DRP2: variants seen among roughly 807,000 people sequenced by gnomAD.
DRP2 encodes the protein dystrophin-related protein 2.
Under a neutral mutation model 78.2 loss-of-function variants are expected in DRP2, and 29 were observed. That is an observed-to-expected ratio of 0.37 (90% CI 0.28 to 0.51). DRP2 has a LOEUF of 0.51. Ranked by LOEUF, DRP2 falls within the 20% of genes least tolerant of loss-of-function variation. The pLI is 0.94. For missense variants in DRP2, 686 were observed against 770.6 expected (o/e 0.89, Z 1.30); for synonymous variants, 290 against 281.9 (o/e 1.03, Z -0.29).
At chrX:101,241,585 T>C (rs1035204101) in intron 6 of DRP2, 83 bp from the exon 7 acceptor site, 34 of 1,094,105 alleles carry the variant, frequency 3.1e-5, no homozygotes, top group Non-Finnish European at 4.2e-5. Flanking sequence ...TACACACACA[T>C]TTTATAAAGG....
In DRP2 at chrX:101,263,802, G is replaced by T. The variant is rs1057008700; in HGVS notation, c.*3181G>T. ...AGGACACAGAAATGAGAAACCCTGA[G>T]GCCAGGAAGAGGCCAATCCTAGGAG... On this transcript the variant is annotated 3_prime_UTR_variant, in exon 24 of 24. Coordinates refer to ENST00000395209, the MANE Select transcript of DRP2 (RefSeq NM_001939.3). 2 of 111,899 alleles carry T rather than the reference G, an allele frequency of 1.8e-5. No homozygotes were observed. The highest frequency in any genetic ancestry group is 6.5e-5 in the African/African-American group (2 of 30,788). The allele number at this position is 111,899 out of a possible 1,213,427, so 9.2% of individuals were successfully genotyped here. A position where few individuals can be genotyped will look rare whatever the true frequency, so the allele number is the denominator to read the frequency against.
intron 17 of DRP2, 99 bp downstream of exon 17, chrX:101,252,815 C>T (rs1478277321): frequency 1.5e-5 from 9 of 618,407 alleles, no homozygotes; most frequent in East Asian, 7.4e-5. Context: ...TCTGCTCTCC[C>T]GTGGGGAGCA....
chrX:101,259,083 A>T (rs1328169986), intron 22 of DRP2, among the ~76,000 whole-genome samples: 1 of 111,519 alleles, frequency 9.0e-6, no homozygotes, highest in Non-Finnish European at 1.9e-5. Context: ...GGCTCTGCCA[A>T]TTGACTGTGG....
chrX:101,260,160 G>A lies in DRP2; in HGVS notation c.2740G>A (p.Glu914Lys), dbSNP rs767235632. Residue 914 changes from glutamate (E) to lysine (K), a missense_variant, in exon 23 of 24, where the codon GAG (glutamate) becomes AAG (lysine). Around this residue, in one of 2 missense-constraint regions of DRP2, gnomAD observed 423 missense variants for 531.5 expected, o/e 0.80. Transcript: ENST00000395209. ...REKGQTTPDT[E>K]AADDVGSKSQ... ...GAAGGGACAGACTACTCCAGATACC[G>A]AGGCTGCAGGTGAGTTCCCCTGGCC... 39 of 1,209,356 alleles carry A rather than the reference G, an allele frequency of 3.2e-5. No homozygotes were observed. Among genetic ancestry groups the A allele is most frequent in the Non-Finnish European group, 4.1e-5 (37 of 894,990 alleles).
At chrX:101,251,978 T>C (rs1923159400) in intron 16 of DRP2, among the ~76,000 whole-genome samples, 1 of 111,999 alleles carries the variant, frequency 8.9e-6, no homozygotes, top group Admixed American at 9.5e-5. Context: ...GATGAGCAAA[T>C]GAGGCACACA....
chrX:101,259,755 C>T (rs1026460594), intron 22 of DRP2, among the ~76,000 whole-genome samples: 2 of 112,053 alleles, frequency 1.8e-5, no homozygotes, highest in African/African-American at 6.5e-5. Context: ...GCGTCAGCCT[C>T]CCAAAGTGCT....
At chrX:101,259,413 G>A (rs1056464108) in intron 22 of DRP2, among the ~76,000 whole-genome samples, 1 of 111,564 alleles carries the variant, frequency 9.0e-6, no homozygotes, top group Non-Finnish European at 1.9e-5. Context: ...TTTCCAGAGA[G>A]AATTGTGTTC....
At chrX:101,258,815 G>T (rs1923446598) in intron 22 of DRP2, among the ~76,000 whole-genome samples, 1 of 111,853 alleles carries the variant, frequency 8.9e-6, no homozygotes, top group African/African-American at 3.3e-5. Context: ...CTGGGGCAGA[G>T]AGAAGACTTC....
chrX:101,235,494 G>A (rs930887643), intron 3 of DRP2, among the ~76,000 whole-genome samples: 3 of 112,642 alleles, frequency 2.7e-5, no homozygotes, highest in Non-Finnish European at 5.6e-5. Flanking sequence ...CATAATTTGG[G>A]CAATTCTGTG....
intron 9 of DRP2, among the ~76,000 whole-genome samples, chrX:101,244,264 G>C (rs1038002300): frequency 9.0e-6 from 1 of 111,697 alleles, no homozygotes; most frequent in South Asian, 3.8e-4. Context: ...AGACTAGGGG[G>C]CTGGTAGCAG....
Position 101,256,189 on chromosome X carries a change from C to A in DRP2, c.2318C>A (p.Ala773Asp). ...TDREPAFGQQ[A>D]PCSVATESKG... ...CGGGAGCCAGCCTTTGGACAGCAGGCTCCATGCAGTGTGGCCACAGAAAGC... is the reference window on the plus strand; with the variant it reads ...CGGGAGCCAGCCTTTGGACAGCAGGATCCATGCAGTGTGGCCACAGAAAGC... Residue 773 changes from alanine (A) to aspartate (D), a missense_variant, in exon 21 of 24, where the codon GCT becomes GAT. This residue lies in a region of DRP2 where 423 missense variants were observed against 531.5 expected (regional missense o/e 0.80). Coordinates refer to ENST00000395209, the MANE Select transcript of DRP2 (RefSeq NM_001939.3). 1 of 1,208,425 alleles carries A rather than the reference C, an allele frequency of 8.3e-7. No homozygotes were observed. The highest frequency in any genetic ancestry group is 1.1e-6 in the Non-Finnish European group (1 of 894,083).
At chrX:101,227,205 C>T (rs767954317) in intron 2 of DRP2, among the ~76,000 whole-genome samples, 52 of 112,017 alleles carry the variant, frequency 4.6e-4, no homozygotes, top group South Asian at 3.4e-3. Flanking sequence ...ACATTGGGGA[C>T]AGATATTCAA....
At chrX:101,242,221 A>G (rs1272571420) in intron 7 of DRP2, 104 bp from the exon 8 acceptor site, 4 of 1,110,292 alleles carry the variant, frequency 3.6e-6, no homozygotes, top group Non-Finnish European at 4.8e-6. Context: ...AGGCTGTGTT[A>G]TTGAAACAAA....
chrX:101,239,215 A>G, intron 6 of DRP2, 114 bp downstream of exon 6: 1 of 977,744 alleles, frequency 1.0e-6, no homozygotes, highest in African/African-American at 1.9e-5. Context: ...CTAGGAGGAT[A>G]GTTTCCCCCA....
intron 22 of DRP2, 30 bp from the exon 23 acceptor site, chrX:101,260,019 C>G: frequency 1.7e-6 from 2 of 1,209,389 alleles, no homozygotes; most frequent in Non-Finnish European, 2.2e-6. Flanking sequence ...GAAGGCAAAT[C>G]CACTTAAGTC....
At chrX:101,246,289 A>G (rs1922931121) in intron 11 of DRP2, among the ~76,000 whole-genome samples, 1 of 112,337 alleles carries the variant, frequency 8.9e-6, no homozygotes, top group African/African-American at 3.2e-5. Flanking sequence ...TTTGCTTTAA[A>G]AGACTGTCCA....
chrX:101,242,834 A>G (rs756849540), intron 8 of DRP2, 70 bp from the exon 9 acceptor site: 5 of 1,037,176 alleles, frequency 4.8e-6, no homozygotes, highest in Non-Finnish European at 6.7e-6. Flanking sequence ...AAAGATTCCC[A>G]GAGGCACCTG....
intron 21 of DRP2, among the ~76,000 whole-genome samples, chrX:101,256,554 T>A (rs1348926660): frequency 2.6e-5 from 1 of 38,183 alleles, no homozygotes; most frequent in Non-Finnish European, 8.0e-5. Context: ...ACTTTTAAAT[T>A]TTTTTTTTTT....
chrX:101,251,108 A>G (rs766078481), intron 16 of DRP2, 25 bp downstream of exon 16: 2 of 1,162,614 alleles, frequency 1.7e-6, no homozygotes, highest in East Asian at 3.0e-5. Context: ...ACCTGCTGGG[A>G]TGATAATAAT....
Sources: gnomAD v4.1 joint callset for allele counts (sites outside exome capture counted in the v4.1 genomes callset) on GRCh38, gnomAD v4.1.1 for gene constraint, gnomAD v4.1.1 regional missense constraint, MANE v1.5 for transcripts, NCBI Gene and HGNC (gene_info 2026-07-23, HGNC 2026-07-21) for gene names.